The following GALNT18 variants were observed in gnomAD, a reference collection of about 807,000 sequenced individuals.
GALNT18 encodes GalNAc-transferase 18.
Under a neutral mutation model 69.5 loss-of-function variants are expected in GALNT18, and 44 were observed. The observed-to-expected ratio is 0.63, with a 90% CI of 0.50 to 0.81. GALNT18 has a LOEUF of 0.81. Ranked by LOEUF, GALNT18 falls within the 40% of genes least tolerant of loss-of-function variation. The pLI is 0.00. For missense variants in GALNT18, 715 were observed against 810.0 expected, an observed-to-expected ratio of 0.88 and a Z score of 1.42; for synonymous variants, 364 against 318.2, an observed-to-expected ratio of 1.14 and a Z score of -1.53.
At chr11:11,477,503 C>G (rs1487379704) in intron 1 of GALNT18, among the ~76,000 whole-genome samples, 1 of 152,170 alleles carries the variant, frequency 6.6e-6, no homozygotes, top group African/African-American at 2.4e-5. Flanking sequence ...AGCCTCCTGC[C>G]CTCCACACCT....
At chr11:11,319,501 A>G (rs923391652) in intron 9 of GALNT18, among the ~76,000 whole-genome samples, 8 of 152,200 alleles carry the variant, frequency 5.3e-5, no homozygotes, top group African/African-American at 1.4e-4. Flanking sequence ...AGACACACAC[A>G]TGGAGAATGT....
Position 11,618,844 on chromosome 11 carries a change from G to A in GALNT18, c.235+2515C>T, listed in dbSNP as rs1024757054. On this transcript the variant is annotated intron_variant, in intron 1 of 10. Coordinates refer to ENST00000227756, the MANE Select transcript of GALNT18 (RefSeq NM_198516.3). This position sits in a 1 kb window ranked among gnomAD's most constrained non-coding sequence, Gnocchi z 6.1. The stretch of plus-strand genomic sequence containing the variant: ...TATTTTAGCTCTTATTATTATTACC[G>A]CTTATTCCCTCCAGTTCAGCAAAGT... Among the ~76,000 whole-genome samples the A allele has an allele frequency of 1.3e-5, 2 of 152,208 alleles. No individual in the cohort carries two copies. Among genetic ancestry groups the A allele is most frequent in the Admixed American group, 6.5e-5 (1 of 15,294 alleles).
intron 1 of GALNT18, among the ~76,000 whole-genome samples, chr11:11,548,541 G>A (rs563757403): frequency 1.3e-5 from 2 of 152,220 alleles, no homozygotes; most frequent in East Asian, 3.9e-4. Context: ...GGACCTCCTG[G>A]GGTTCCTGAG....
Position 11,433,530 on chromosome 11 carries a change from G to A in GALNT18, c.429-743C>T, listed in dbSNP as rs535787576. ...CAGGATCTCTCCTTGAAGCAGAAAT[G>A]GCCATGAAAGAGAATGCCCCTAACT... On this transcript the variant is annotated intron_variant, in intron 2 of 10. Transcript: ENST00000227756. Among the ~76,000 whole-genome samples, 5 of 152,290 alleles carry A rather than the reference G, an allele frequency of 3.3e-5. No individual in the cohort carries two copies. In the South Asian group the frequency reaches 6.2e-4, roughly 19 times the overall value.
chr11:11,473,954 A>G (rs940586570), intron 1 of GALNT18, among the ~76,000 whole-genome samples: 3 of 152,196 alleles, frequency 2.0e-5, no homozygotes, highest in African/African-American at 7.2e-5. Flanking sequence ...AATCCCAGCT[A>G]CTTGGGAGGC....
In GALNT18 at chr11:11,448,941, A is replaced by T; in HGVS notation, c.236-5T>A. 6.4e-7 allele frequency: 1 copy of T among 1,574,574 alleles called. No individual in the cohort carries two copies. The highest frequency in any genetic ancestry group is 8.6e-7 in the Non-Finnish European group (1 of 1,161,260). On this transcript the variant is annotated splice_polypyrimidine_tract_variant and splice_region_variant and intron_variant, in intron 1 of 10. Coordinates refer to ENST00000227756, the MANE Select transcript of GALNT18 (RefSeq NM_198516.3). The stretch of plus-strand genomic sequence containing the variant: ...CCTCAGGCTTGGCAGGAGCCTCTGG[A>T]GAAAGAAGGAACAGGAGACAGTGGG...
intron 1 of GALNT18, among the ~76,000 whole-genome samples, chr11:11,594,733 C>T (rs1017526682): frequency 2.7e-5 from 4 of 150,672 alleles, no homozygotes; most frequent in African/African-American, 9.7e-5. Flanking sequence ...GGATTATTTT[C>T]ACTTTTTGCC....
In GALNT18 at chr11:11,621,307, G is replaced by A. The variant is rs1860185794; in HGVS notation, c.235+52C>T. The A allele has an allele frequency of 2.7e-6, 4 of 1,501,626 alleles. No homozygotes were observed. The highest frequency in any genetic ancestry group is 3.7e-6 in the Non-Finnish European group (4 of 1,088,402). 93.0% of individuals were successfully genotyped at this position (1,501,626 alleles called of 1,614,324 possible). On this transcript the variant is annotated intron_variant, in intron 1 of 10. Coordinates refer to ENST00000227756, the MANE Select transcript of GALNT18 (RefSeq NM_198516.3). This position sits in a 1 kb window ranked among gnomAD's most constrained non-coding sequence, Gnocchi z 9.3. ...CCAGCCCCAGCGCACCCCGCGCCGC[G>A]CGGGGCACTCCCGGGCCTCATGGGC...
chr11:11,336,448 C>T (rs1007244532), intron 7 of GALNT18, among the ~76,000 whole-genome samples: 19 of 152,198 alleles, frequency 1.2e-4, no homozygotes, highest in African/African-American at 4.3e-4. Context: ...ACGATCACAT[C>T]ACCGACAAGA....
intron 3 of GALNT18, among the ~76,000 whole-genome samples, chr11:11,384,529 A>G (rs1002927994): frequency 3.3e-5 from 5 of 152,160 alleles, no homozygotes; most frequent in Non-Finnish European, 7.3e-5. Context: ...TCACCTCTGA[A>G]AAGGCCACAC....
rs1855398746 is a variant in GALNT18 at position 11,436,202 on chromosome 11, A to G, written c.429-3415T>C. On this transcript the variant is annotated intron_variant, in intron 2 of 10. Transcript: ENST00000227756. The surrounding 1 kb of genome is among the most constrained non-coding windows in gnomAD (Gnocchi z 4.5). ...CAGTTCTGCCCCACCTTGCTGTGTG[A>G]CCATGAATGAGCCACCTTCCCTCTC... Among the ~76,000 whole-genome samples the G allele has an allele frequency of 6.6e-6, 1 of 152,214 alleles. No individual in the cohort carries two copies. Among genetic ancestry groups the G allele is most frequent in the Admixed American group, 6.5e-5 (1 of 15,286 alleles).
intron 6 of GALNT18, among the ~76,000 whole-genome samples, chr11:11,364,026 A>G (rs1053592305): frequency 4.6e-5 from 7 of 152,242 alleles, no homozygotes; most frequent in African/African-American, 1.7e-4. Flanking sequence ...GTTTAAACCC[A>G]TAAGTTCACA....
Position 11,394,756 on chromosome 11 carries a change from G to T in GALNT18, c.596-15492C>A, listed in dbSNP as rs374372502. Among the ~76,000 whole-genome samples, 3 of 152,212 alleles carry T rather than the reference G, an allele frequency of 2.0e-5. No individual in the cohort carries two copies. In the South Asian group the frequency reaches 6.2e-4, roughly 32 times the overall value. Reference sequence around the variant, plus strand: ...GACAGGGATAGATATAATTAGAGGTGGTACCGACAGGCGGGGTCTGGTCCT... The same window carrying T: ...GACAGGGATAGATATAATTAGAGGTTGTACCGACAGGCGGGGTCTGGTCCT... On this transcript the variant is annotated intron_variant, in intron 3 of 10. Coordinates refer to ENST00000227756, the MANE Select transcript of GALNT18 (RefSeq NM_198516.3).
intron 9 of GALNT18, among the ~76,000 whole-genome samples, chr11:11,297,498 C>G (rs1056534404): frequency 3.3e-5 from 5 of 152,164 alleles, no homozygotes; most frequent in Non-Finnish European, 7.3e-5. Flanking sequence ...ACTCACCTCC[C>G]TTGCCCACCT....
intron 1 of GALNT18, among the ~76,000 whole-genome samples, chr11:11,526,318 G>A (rs115990204): frequency 8.1e-4 from 123 of 152,252 alleles, no homozygotes; most frequent in African/African-American, 2.8e-3. Flanking sequence ...TTTGTGTGAT[G>A]GTAGAATAGC....
At position 11,444,288 on chromosome 11, in the gene GALNT18, G is replaced by T. The variant is rs1356799467; in HGVS notation, c.428+4456C>A. ...GCCTCCCTGCCACAGAGGCACCAGA[G>T]GGACAGTGCTTCTGTGACCATCACA... On this transcript the variant is annotated intron_variant, in intron 2 of 10. Coordinates refer to ENST00000227756, the MANE Select transcript of GALNT18 (RefSeq NM_198516.3). The surrounding 1 kb of genome is among the most constrained non-coding windows in gnomAD (Gnocchi z 4.4). 2.0e-5 allele frequency among the ~76,000 whole-genome samples: 3 copies of T among 152,164 alleles called. No individual in the cohort carries two copies. In the East Asian group the frequency reaches 5.8e-4, roughly 29 times the overall value.
chr11:11,286,783 A>C (rs970720464), intron 10 of GALNT18, among the ~76,000 whole-genome samples: 9 of 152,136 alleles, frequency 5.9e-5, no homozygotes, highest in Admixed American at 5.9e-4. Context: ...GGTTGAAATA[A>C]GGGGTAAATG....
chr11:11,300,919 A>G (rs1319870849), intron 9 of GALNT18, among the ~76,000 whole-genome samples: 1 of 152,204 alleles, frequency 6.6e-6, no homozygotes, highest in South Asian at 2.1e-4. Context: ...GAGTTTGGGA[A>G]GCCTAGGAGT....
chr11:11,354,771 C>G (rs1850491821), intron 6 of GALNT18, among the ~76,000 whole-genome samples: 1 of 152,160 alleles, frequency 6.6e-6, no homozygotes, highest in African/African-American at 2.4e-5. Context: ...CTCACCTTCA[C>G]TCTCATGTGT....
Sources: gnomAD v4.1 joint callset for allele counts (sites outside exome capture counted in the v4.1 genomes callset) on GRCh38, gnomAD v4.1.1 for gene constraint, Gnocchi (gnomAD v3.1) non-coding constraint, MANE v1.5 for transcripts, NCBI Gene and HGNC (gene_info 2026-07-23, HGNC 2026-07-21) for gene names.